The following OCA2 variants were observed in gnomAD, a reference collection of about 807,000 sequenced individuals.
OCA2 encodes OCA2 melanosomal transmembrane protein, also known as P protein.
In OCA2, 77 loss-of-function variants were observed where a neutral mutation model predicts 100.2. That is an observed-to-expected ratio of 0.77 (90% CI 0.64 to 0.93). OCA2 has a LOEUF of 0.93. Among genes scored for constraint, OCA2 ranks in the 40% least tolerant of loss-of-function variants. The pLI, the probability that OCA2 is intolerant of heterozygous loss-of-function variation, is 0.00. For missense variants in OCA2, 1,062 were observed against 1,089.1 expected, an observed-to-expected ratio of 0.98 and a Z score of 0.35; for synonymous variants, 432 against 439.2, an observed-to-expected ratio of 0.98 and a Z score of 0.21.
chr15:28,046,901 C>T (rs1271411913), intron 2 of OCA2, among the ~76,000 whole-genome samples: 1 of 152,172 alleles, frequency 6.6e-6, no homozygotes, highest in Non-Finnish European at 1.5e-5. Context: ...TTAATGTTTT[C>T]CTAAAAGCCA....
intron 2 of OCA2, among the ~76,000 whole-genome samples, chr15:28,040,796 A>T (rs2043179142): frequency 6.6e-6 from 1 of 152,224 alleles, no homozygotes; most frequent in African/African-American, 2.4e-5. Context: ...GAGAAATAAA[A>T]AAATCTGAAT....
At chr15:27,997,145 A>G (rs1284434387) in intron 9 of OCA2, among the ~76,000 whole-genome samples, 1 of 145,192 alleles carries the variant, frequency 6.9e-6, no homozygotes, top group Non-Finnish European at 1.5e-5. Flanking sequence ...GAAGGAAGAG[A>G]GAGAGAAAGA....
At chr15:27,866,050 T>A (rs2151473663) in intron 21 of OCA2, among the ~76,000 whole-genome samples, 1 of 152,250 alleles carries the variant, frequency 6.6e-6, no homozygotes, top group Non-Finnish European at 1.5e-5. Context: ...TTACTATGAA[T>A]GAGTTGCCTT....
chr15:27,908,457 A>C (rs930080215), intron 19 of OCA2, among the ~76,000 whole-genome samples: 3 of 152,166 alleles, frequency 2.0e-5, no homozygotes, highest in African/African-American at 7.2e-5. Context: ...AGAAATACTA[A>C]AGGCATTTCC....
intron 21 of OCA2, among the ~76,000 whole-genome samples, chr15:27,863,982 G>A (rs889013540): frequency 2.0e-5 from 3 of 152,022 alleles, no homozygotes; most frequent in Non-Finnish European, 4.4e-5. Flanking sequence ...TGGATTTCAC[G>A]GGGTGCCATG....
chr15:27,868,113 C>G (rs2036396030), intron 21 of OCA2, among the ~76,000 whole-genome samples: 1 of 152,300 alleles, frequency 6.6e-6, no homozygotes, highest in South Asian at 2.1e-4. Context: ...AGCTGACATG[C>G]AGCTTTTTAG....
At chr15:27,897,307 G>A (rs1176043864) in intron 19 of OCA2, among the ~76,000 whole-genome samples, 3 of 152,204 alleles carry the variant, frequency 2.0e-5, no homozygotes, top group Non-Finnish European at 2.9e-5. Context: ...TGTAGCCCAG[G>A]GACTTGGTGC....
At position 27,978,211 on chromosome 15, in the gene OCA2, C is replaced by T. The variant is rs373263351; in HGVS notation, c.1503+5134G>A. Among the ~76,000 whole-genome samples, 40 of 152,194 alleles carry T rather than the reference C, an allele frequency of 2.6e-4. No homozygotes were observed. In the East Asian group the frequency reaches 6.4e-3, roughly 24 times the overall value. On this transcript the variant is annotated intron_variant, in intron 14 of 23. Coordinates refer to ENST00000354638, the MANE Select transcript of OCA2 (RefSeq NM_000275.3). ...AAGTTTATTGAGATCTGTCTTATGG[C>T]CTAGAATCCATTTCAGTTAATGTTT... is the stretch of plus-strand genomic sequence containing the variant.
chr15:27,865,717 A>G (rs1032270680), intron 21 of OCA2, among the ~76,000 whole-genome samples: 11 of 152,222 alleles, frequency 7.2e-5, no homozygotes, highest in African/African-American at 2.7e-4. Context: ...TGAATTCTGT[A>G]GATCTACATA....
At chr15:27,844,184 C>A (rs1412466870) in intron 23 of OCA2, among the ~76,000 whole-genome samples, 2 of 152,212 alleles carry the variant, frequency 1.3e-5, no homozygotes, top group Non-Finnish European at 2.9e-5. Context: ...CTCTACTCTG[C>A]AGGCATCCGC....
intron 23 of OCA2, among the ~76,000 whole-genome samples, chr15:27,834,978 GA>G (rs2035093676): frequency 6.6e-6 from 1 of 152,198 alleles, no homozygotes; most frequent in Non-Finnish European, 1.5e-5. Flanking sequence ...CCTGGCTCTT[GA>G]TACAGCCTCC....
At chr15:27,941,741 T>A (rs2039655556) in intron 18 of OCA2, among the ~76,000 whole-genome samples, 1 of 152,116 alleles carries the variant, frequency 6.6e-6, no homozygotes, top group Admixed American at 6.5e-5. Context: ...GGAAGGGAGA[T>A]TCAAATGGGC....
At chr15:27,913,843 G>A (rs1475934113) in intron 19 of OCA2, among the ~76,000 whole-genome samples, 2 of 25,156 alleles carry the variant, frequency 8.0e-5, no homozygotes, top group Non-Finnish European at 1.3e-4. Context: ...AGAAAGGAAA[G>A]AAAGAAAGAA....
At chr15:27,905,787 C>G (rs1389903074) in intron 19 of OCA2, among the ~76,000 whole-genome samples, 3 of 152,212 alleles carry the variant, frequency 2.0e-5, no homozygotes, top group Non-Finnish European at 4.4e-5. Context: ...ACCTACAGAG[C>G]TAGTGCAAAC....
At chr15:27,848,293 C>T (rs1439341592) in intron 22 of OCA2, among the ~76,000 whole-genome samples, 1 of 152,186 alleles carries the variant, frequency 6.6e-6, no homozygotes, top group Admixed American at 6.5e-5. Context: ...GGACCATCAC[C>T]ACCTTCCCCA....
At chr15:27,832,939 C>G (rs148694536) in intron 23 of OCA2, among the ~76,000 whole-genome samples, 8 of 151,868 alleles carry the variant, frequency 5.3e-5, no homozygotes, top group African/African-American at 1.9e-4. Flanking sequence ...CAGCCTCCCC[C>G]AGTAGCTGGG....
chr15:27,745,334 T>G, the OCA2 span, among the ~76,000 whole-genome samples: 1 of 152,204 alleles, frequency 6.6e-6, no homozygotes, highest in Non-Finnish European at 1.5e-5. Flanking sequence ...TTAATTTTCT[T>G]AATTACCATA....
intron 19 of OCA2, among the ~76,000 whole-genome samples, chr15:27,884,617 T>G (rs2037152131): frequency 6.6e-6 from 1 of 152,210 alleles, no homozygotes; most frequent in African/African-American, 2.4e-5. Context: ...TCATTCACAT[T>G]GGAATCAGAG....
Position 27,955,826 on chromosome 15 carries a change from T to C in OCA2, c.1785-611A>G, listed in dbSNP as rs146569825. Among the ~76,000 whole-genome samples the C allele has an allele frequency of 3.7e-3, 562 of 152,230 alleles. 2 individuals carry two copies. The highest frequency in any genetic ancestry group is 0.023 in the South Asian group (111 of 4,818). On this transcript the variant is annotated intron_variant, in intron 16 of 23. Transcript: ENST00000354638. ...GCCGGGGTGGTCTCCTCCCGCCTGT[T>C]TCAGCCCCTTCAGTGGCTCCCACTT...
Sources: allele counts gnomAD v4.1 joint callset (sites outside exome capture counted in the v4.1 genomes callset), GRCh38; gene constraint gnomAD v4.1.1; transcripts MANE v1.5; gene names NCBI Gene and HGNC (gene_info 2026-07-23, HGNC 2026-07-21).